TAFA2: variants seen among roughly 807,000 people sequenced by gnomAD.
The protein encoded by TAFA2 is TAFA chemokine like family member 2, also known as chemokine-like protein TAFA-2.
A neutral mutation model predicts 18.8 loss-of-function variants in TAFA2; 7 were observed. The ratio of observed to expected loss-of-function variants is 0.37; its 90% CI spans 0.21 to 0.70. TAFA2 has a LOEUF of 0.70. TAFA2 is among the 30% of genes least tolerant of loss of function. The probability of loss-of-function intolerance (pLI) is 0.53; values close to 1 mark genes in which losing one functional copy is unlikely to be tolerated. For missense variants in TAFA2, 122 were observed against 158.1 expected (o/e 0.77, Z 1.23); for synonymous variants, 60 against 54.2 (o/e 1.11, Z -0.47).
chr12:62,254,391 A>C (rs77940590), intron 1 of TAFA2, among the ~76,000 whole-genome samples: 3,346 of 152,234 alleles, frequency 0.022, 121 homozygotes, highest in African/African-American at 0.075. Flanking sequence ...AGGGCATACA[A>C]ATATAGGTCT....
At chr12:61,957,827 C>T (rs1399053606) in intron 1 of TAFA2, among the ~76,000 whole-genome samples, 3 of 152,024 alleles carry the variant, frequency 2.0e-5, no homozygotes, top group Admixed American at 6.6e-5. Context: ...CTGATGCAGG[C>T]CTGCCTCTTT....
chr12:61,997,562 A>G (rs893288799), intron 1 of TAFA2, among the ~76,000 whole-genome samples: 4 of 152,166 alleles, frequency 2.6e-5, no homozygotes, highest in African/African-American at 9.7e-5. Flanking sequence ...AGTTAAGAAA[A>G]GGGGAGGTGG....
rs140956968 is a variant in TAFA2 at position 61,857,835 on chromosome 12, T to C, written c.106+9485A>G. 2.6e-5 allele frequency among the ~76,000 whole-genome samples: 4 copies of C among 152,314 alleles called. No individual in the cohort carries two copies. The East Asian group carries it at 7.7e-4, about 29-fold the overall frequency. On this transcript the variant is annotated intron_variant, in intron 2 of 4. Coordinates refer to ENST00000416284, the MANE Select transcript of TAFA2 (RefSeq NM_178539.5). ...CATAAATTTCTGGTGTGTTGAATTC[T>C]ATCTTGGAGTCTGCTTCTTGGAAGA...
At chr12:61,952,783 T>G (rs1237255251) in intron 1 of TAFA2, among the ~76,000 whole-genome samples, 2 of 152,106 alleles carry the variant, frequency 1.3e-5, no homozygotes, top group Admixed American at 1.3e-4. Context: ...AGAGGTATCA[T>G]TTACATGTCT....
intron 2 of TAFA2, among the ~76,000 whole-genome samples, chr12:61,772,351 A>G (rs1870066588): frequency 6.6e-6 from 1 of 152,034 alleles, no homozygotes; most frequent in African/African-American, 2.4e-5. Context: ...ACATAGAAAA[A>G]GAGGGAATTC....
At position 61,789,559 on chromosome 12, in the gene TAFA2, G is replaced by C. The variant is rs77881677; in HGVS notation, c.107-34535C>G. On this transcript the variant is annotated intron_variant, in intron 2 of 4. Transcript: ENST00000416284. ...CCTGTCAGGAGGCTGGGGGCTAAGA[G>C]AGGGATAGCATTAGGAGAAATACCT... 5.7e-3 allele frequency among the ~76,000 whole-genome samples: 872 copies of C among 151,996 alleles called. 12 individuals carry two copies. Among genetic ancestry groups the C allele is most frequent in the African/African-American group, 0.02 (843 of 41,530 alleles).
At chr12:61,897,337 A>G (rs1875891537) in intron 1 of TAFA2, among the ~76,000 whole-genome samples, 1 of 152,094 alleles carries the variant, frequency 6.6e-6, no homozygotes, top group Admixed American at 6.6e-5. Context: ...TTCACTCAAC[A>G]TTTTACAGGA....
intron 1 of TAFA2, among the ~76,000 whole-genome samples, chr12:62,214,898 T>C (rs1160314891): frequency 6.6e-6 from 1 of 152,194 alleles, no homozygotes. Flanking sequence ...TAATATAATA[T>C]GCCTCAAAGC....
At chr12:62,257,318 T>C (rs10747954) in intron 1 of TAFA2, among the ~76,000 whole-genome samples, 141,931 of 151,952 alleles carry the variant, frequency 0.93, 66,546 homozygotes, top group African/African-American at 0.99. Flanking sequence ...TTGTACTTTC[T>C]TCCATTAAAC....
intron 1 of TAFA2, among the ~76,000 whole-genome samples, chr12:62,115,188 C>G (rs1364166312): frequency 6.6e-6 from 1 of 152,070 alleles, no homozygotes; most frequent in African/African-American, 2.4e-5. Context: ...TAAGATCATC[C>G]TGACCAGAAC....
intron 4 of TAFA2, 97 bp from the exon 5 acceptor site, chr12:61,710,514 G>T: frequency 1.0e-6 from 1 of 1,003,728 alleles, no homozygotes; most frequent in Non-Finnish European, 1.5e-6. Context: ...TCAAAATGCT[G>T]GTGTTTGCTA....
At chr12:61,888,741 G>A (rs746194414) in intron 1 of TAFA2, among the ~76,000 whole-genome samples, 14 of 152,138 alleles carry the variant, frequency 9.2e-5, no homozygotes, top group Non-Finnish European at 2.1e-4. Flanking sequence ...ACACAAAGGA[G>A]GATCAAAACA....
chr12:62,256,337 A>G (rs1400534645), intron 1 of TAFA2, among the ~76,000 whole-genome samples: 1 of 152,208 alleles, frequency 6.6e-6, no homozygotes, highest in Non-Finnish European at 1.5e-5. Flanking sequence ...CCATGCTAAA[A>G]TTAAACTTTC....
chr12:61,915,779 C>T (rs947145821), intron 1 of TAFA2, among the ~76,000 whole-genome samples: 6 of 152,146 alleles, frequency 3.9e-5, no homozygotes, highest in African/African-American at 1.4e-4. Context: ...AGCACATCTG[C>T]CCTTCCTTCA....
chr12:62,188,803 A>G (rs1401295964), intron 1 of TAFA2, among the ~76,000 whole-genome samples: 1 of 152,162 alleles, frequency 6.6e-6, no homozygotes, highest in Non-Finnish European at 1.5e-5. Flanking sequence ...AAATTTTTAA[A>G]TAGGAAAACT....
chr12:62,089,598 G>A (rs1868622095), intron 1 of TAFA2, among the ~76,000 whole-genome samples: 1 of 151,984 alleles, frequency 6.6e-6, no homozygotes, highest in Admixed American at 6.6e-5. Flanking sequence ...GAGAAAGGAT[G>A]GGGGAGACAG....
At chr12:62,256,987 G>A (rs1203600690) in intron 1 of TAFA2, among the ~76,000 whole-genome samples, 4 of 152,026 alleles carry the variant, frequency 2.6e-5, no homozygotes, top group African/African-American at 4.8e-5. Flanking sequence ...GGTCGTGGGC[G>A]GGAATAACTG....
At chr12:62,016,642 G>C (rs1183536768) in intron 1 of TAFA2, among the ~76,000 whole-genome samples, 1 of 152,160 alleles carries the variant, frequency 6.6e-6, no homozygotes, top group Non-Finnish European at 1.5e-5. Context: ...AATATAAAAT[G>C]TAAGGCATAC....
intron 1 of TAFA2, among the ~76,000 whole-genome samples, chr12:62,130,881 CT>C (rs1193161348): frequency 6.6e-6 from 1 of 151,944 alleles, no homozygotes; most frequent in Non-Finnish European, 1.5e-5. Flanking sequence ...TTTTATTAAA[CT>C]GTGAAAATCT....
Sources: gnomAD v4.1 joint callset for allele counts (sites outside exome capture counted in the v4.1 genomes callset) on GRCh38, gnomAD v4.1.1 for gene constraint, MANE v1.5 for transcripts, NCBI Gene and HGNC (gene_info 2026-07-23, HGNC 2026-07-21) for gene names.